The following NR3C2 variants were observed in gnomAD, a reference collection of about 807,000 sequenced individuals.
NR3C2 encodes nuclear receptor subfamily 3 group C member 2.
A neutral mutation model predicts 86.4 loss-of-function variants in NR3C2; 15 were observed. The ratio of observed to expected loss-of-function variants is 0.17; its 90% confidence interval spans 0.12 to 0.27. The LOEUF is 0.27. Among genes scored for constraint, NR3C2 ranks in the 10% least tolerant of loss-of-function variants. The probability of loss-of-function intolerance (pLI) is 1.00; values close to 1 mark genes in which losing one functional copy is unlikely to be tolerated. For missense variants in NR3C2, 960 were observed against 1,195.6 expected, an observed-to-expected ratio of 0.80 and a Z score of 2.91; for synonymous variants, 458 against 450.5, an observed-to-expected ratio of 1.02 and a Z score of -0.21.
At chr4:148,195,211 C>T (rs1009211255) in intron 3 of NR3C2, among the ~76,000 whole-genome samples, 1 of 152,218 alleles carries the variant, frequency 6.6e-6, no homozygotes, top group African/African-American at 2.4e-5. Context: ...AATCCTACTG[C>T]AGCTGTTTAA....
intron 2 of NR3C2, among the ~76,000 whole-genome samples, chr4:148,425,225 AC>A (rs1749469718): frequency 6.6e-6 from 1 of 152,206 alleles, no homozygotes; most frequent in African/African-American, 2.4e-5. Context: ...CTGAACATGA[AC>A]AACAGACCTG....
intron 4 of NR3C2, among the ~76,000 whole-genome samples, chr4:148,163,092 A>C (rs1560954564): frequency 6.6e-6 from 1 of 152,188 alleles, no homozygotes; most frequent in Non-Finnish European, 1.5e-5. Flanking sequence ...ATAAGATACG[A>C]AGGGTTTAAA....
At chr4:148,233,518 G>T (rs181680108) in intron 3 of NR3C2, among the ~76,000 whole-genome samples, 1 of 151,774 alleles carries the variant, frequency 6.6e-6, no homozygotes. Flanking sequence ...ATGCCACCAC[G>T]CCTGGATAAT....
intron 2 of NR3C2, among the ~76,000 whole-genome samples, chr4:148,293,674 C>T (rs1472329585): frequency 6.6e-6 from 1 of 152,130 alleles, no homozygotes; most frequent in South Asian, 2.1e-4. Context: ...TAGGGTCTGG[C>T]CTACTGACTT....
At chr4:148,365,088 T>C (rs1395536836) in intron 2 of NR3C2, among the ~76,000 whole-genome samples, 2 of 152,216 alleles carry the variant, frequency 1.3e-5, no homozygotes, top group Admixed American at 6.5e-5. Context: ...TCTAAATCTA[T>C]ATGCTACCAA....
intron 6 of NR3C2, among the ~76,000 whole-genome samples, chr4:148,149,328 A>C (rs189877155): frequency 6.8e-4 from 104 of 152,242 alleles, no homozygotes; most frequent in Non-Finnish European, 1.4e-3. Flanking sequence ...AGACAAATAC[A>C]CAAAGCTTAT....
intron 2 of NR3C2, among the ~76,000 whole-genome samples, chr4:148,297,768 A>G (rs1168164308): frequency 6.6e-6 from 1 of 152,188 alleles, no homozygotes; most frequent in Non-Finnish European, 1.5e-5. Context: ...GCATGTCTGT[A>G]ATACCAGCTA....
chr4:148,171,424 C>T (rs1038888567), intron 4 of NR3C2, among the ~76,000 whole-genome samples: 1 of 152,178 alleles, frequency 6.6e-6, no homozygotes, highest in Admixed American at 6.5e-5. Flanking sequence ...GCAGTGGTTC[C>T]CAACCTTTTG....
chr4:148,342,161 C>T (rs1579182469), intron 2 of NR3C2, among the ~76,000 whole-genome samples: 1 of 152,198 alleles, frequency 6.6e-6, no homozygotes, highest in Non-Finnish European at 1.5e-5. Context: ...AGGAGTCAAA[C>T]GTCAGAGCCT....
chr4:148,095,086 T>C (rs1402116095), intron 8 of NR3C2, among the ~76,000 whole-genome samples: 3 of 152,238 alleles, frequency 2.0e-5, no homozygotes, highest in African/African-American at 7.2e-5. Context: ...TGATGGATGG[T>C]GGTGATGGTT....
intron 2 of NR3C2, among the ~76,000 whole-genome samples, chr4:148,298,664 A>G (rs1742179334): frequency 6.6e-6 from 1 of 152,230 alleles, no homozygotes; most frequent in Non-Finnish European, 1.5e-5. Context: ...CTGCAGAACT[A>G]CTACTCCTTA....
chr4:148,160,804 C>A (rs1276100292), intron 4 of NR3C2, among the ~76,000 whole-genome samples: 2 of 152,192 alleles, frequency 1.3e-5, no homozygotes, highest in African/African-American at 2.4e-5. Flanking sequence ...CACCAACTAT[C>A]TTCTTTAACA....
chr4:148,395,425 G>T (rs1406183743), intron 2 of NR3C2, among the ~76,000 whole-genome samples: 7 of 152,094 alleles, frequency 4.6e-5, no homozygotes, highest in Non-Finnish European at 8.8e-5. Context: ...AATAAGGTGG[G>T]GATCACGGCA....
At chr4:148,193,590 G>A (rs897333257) in intron 4 of NR3C2, among the ~76,000 whole-genome samples, 1 of 152,142 alleles carries the variant, frequency 6.6e-6, no homozygotes. Context: ...CTAATACAAT[G>A]TGAATGCTAT....
At chr4:148,422,955 G>C (rs1028420769) in intron 2 of NR3C2, among the ~76,000 whole-genome samples, 14 of 151,900 alleles carry the variant, frequency 9.2e-5, no homozygotes, top group African/African-American at 3.1e-4. Context: ...TATACTCCTT[G>C]GCAATCTACT....
Position 148,363,431 on chromosome 4 carries a change from C to T in NR3C2, c.1757+71673G>A, listed in dbSNP as rs148040494. 2.7e-4 allele frequency among the ~76,000 whole-genome samples: 41 copies of T among 150,472 alleles called. No individual in the cohort carries two copies. In the East Asian group the frequency reaches 8.0e-3, roughly 29 times the overall value. Reference sequence around the variant, plus strand: ...TATATTTATGTATCAAAGTCACAGGCATCGGGGACAGGATTTTTTACATGA... The same window carrying T: ...TATATTTATGTATCAAAGTCACAGGTATCGGGGACAGGATTTTTTACATGA... On this transcript the variant is annotated intron_variant, in intron 2 of 8. Coordinates refer to ENST00000358102, the MANE Select transcript of NR3C2 (RefSeq NM_000901.5).
intron 2 of NR3C2, among the ~76,000 whole-genome samples, chr4:148,366,476 GT>G (rs1746141490): frequency 6.6e-6 from 1 of 151,338 alleles, no homozygotes; most frequent in Non-Finnish European, 1.5e-5. Flanking sequence ...TTTTTAAAAA[GT>G]ACTCAGCACT....
chr4:148,128,945 A>G (rs1222007781), intron 6 of NR3C2, among the ~76,000 whole-genome samples: 1 of 152,172 alleles, frequency 6.6e-6, no homozygotes, highest in Non-Finnish European at 1.5e-5. Flanking sequence ...TTTGTTACTC[A>G]TCATTCTTAT....
intron 2 of NR3C2, among the ~76,000 whole-genome samples, chr4:148,394,380 A>C (rs1048495176): frequency 6.6e-6 from 1 of 152,124 alleles, no homozygotes; most frequent in Non-Finnish European, 1.5e-5. Context: ...TCTTGAAAAA[A>C]AAAACAAAAA....
Sources: allele counts gnomAD v4.1 joint callset (sites outside exome capture counted in the v4.1 genomes callset), GRCh38; gene constraint gnomAD v4.1.1; transcripts MANE v1.5; gene names NCBI Gene and HGNC (gene_info 2026-07-23, HGNC 2026-07-21).